Variants in EIF2D observed in about 807,000 individuals in gnomAD.
EIF2D encodes hepatocellular carcinoma-associated antigen 56.
A neutral mutation model predicts 77.4 loss-of-function variants in EIF2D; 56 were observed. The observed-to-expected ratio is 0.72, with a 90% CI of 0.58 to 0.90. The LOEUF is 0.90. Ranked by LOEUF, EIF2D falls within the 40% of genes least tolerant of loss-of-function variation. EIF2D has a pLI of 0.00. For synonymous variants in EIF2D, 230 were observed against 271.0 expected, an observed-to-expected ratio of 0.85 and a Z score of 1.49; for missense variants, 574 against 706.5, an observed-to-expected ratio of 0.81 and a Z score of 2.13.
At chr1:206,603,341 G>C in intron 5 of EIF2D, 137 bp from the exon 6 acceptor site, 4 of 1,185,270 alleles carry the variant, frequency 3.4e-6, no homozygotes, top group African/African-American at 3.1e-5. Flanking sequence ...CAGAGAGCCT[G>C]TGCCCTCATC....
chr1:206,572,911 G>A (rs892095351), intron 4 of EIF2D, among the ~76,000 whole-genome samples: 11 of 152,162 alleles, frequency 7.2e-5, no homozygotes, highest in South Asian at 2.1e-4. Context: ...GGCCTATCGG[G>A]AATCAAGGTC....
At chr1:206,580,908 G>A (rs1331660945) in intron 3 of EIF2D, 3 of 152,252 alleles carry the variant, frequency 2.0e-5, no homozygotes, top group Non-Finnish European at 4.4e-5. Flanking sequence ...CATCTTAGAT[G>A]AACATTTCAC....
At chr1:206,612,250 T>C (rs1553414207) in intron 1 of EIF2D, 37 bp downstream of exon 1, 2 of 1,613,926 alleles carry the variant, frequency 1.2e-6, no homozygotes, top group South Asian at 1.1e-5. Context: ...AGGTGTCTGG[T>C]TGTTCCGTGG....
In EIF2D at chr1:206,595,730, C is replaced by T. The variant is rs202132052; in HGVS notation, c.1497G>A (p.Ala499=). The change falls in exon 13 of 15, where the codon GCG becomes GCA. Residue 499 remains alanine (A), a synonymous_variant. Coordinates refer to ENST00000271764, the MANE Select transcript of EIF2D (RefSeq NM_006893.3). ...CPIDITLAQR[A]SNKKVTVVRN... ...TTTCTAAAATTACCTTTTTATTAGACGCTCTTTGTGCTAGGGTGATGTCAA... is the reference window on the plus strand; with the variant it reads ...TTTCTAAAATTACCTTTTTATTAGATGCTCTTTGTGCTAGGGTGATGTCAA... 11 of 1,613,346 alleles carry T rather than the reference C, an allele frequency of 6.8e-6. No homozygotes were observed. Among genetic ancestry groups the T allele is most frequent in the East Asian group, 2.2e-5 (1 of 44,870 alleles).
rs1553407239 is a variant in EIF2D, at chr1:206,584,761, G to C, written c.139-3599C>G. The C allele has an allele frequency of 5.3e-6, 8 of 1,505,080 alleles. No individual in the cohort carries two copies. In the South Asian group the frequency reaches 9.6e-5, roughly 18 times the overall value. The allele number at this position is 1,505,080 out of a possible 1,614,324, so 93.2% of individuals were successfully genotyped here. ...AGCCCACCCACTAAAACTCCTGCCG[G>C]CCTTGGGTGGGAGCTGTGGGCTTCT... On this transcript the variant is annotated intron_variant and NMD_transcript_variant, in intron 2 of 5. Transcript: ENST00000472709. The surrounding 1 kb of genome is among the most constrained non-coding windows in gnomAD (Gnocchi z 4.9).
chr1:206,603,045 G>A lies in EIF2D; in HGVS notation c.690C>T (p.His230=), dbSNP rs921533279. The A allele has an allele frequency of 5.6e-6, 9 of 1,614,180 alleles. No individual in the cohort carries two copies. In the East Asian group the frequency reaches 2.0e-4, roughly 36 times the overall value. The change falls in exon 6 of 15, where the codon CAC becomes CAT. Residue 230 remains histidine, a synonymous_variant. Coordinates refer to ENST00000271764, the MANE Select transcript of EIF2D (RefSeq NM_006893.3). ...LEGEEENGEV[H]QAREDKSLSE... ...AGAGAGACTTGTCTTCACGTGCCTGGTGAACCTCCCCATTCTCCTCTTCCC... is the reference window on the plus strand; with the variant it reads ...AGAGAGACTTGTCTTCACGTGCCTGATGAACCTCCCCATTCTCCTCTTCCC...
intron 13 of EIF2D, chr1:206,595,338 A>C (rs2102278492): frequency 6.4e-6 from 1 of 155,580 alleles, no homozygotes; most frequent in South Asian, 2.0e-4. Flanking sequence ...TGTGTTGCCA[A>C]GCTAAACACA....
chr1:206,600,507 G>C, intron 7 of EIF2D, 199 bp from the exon 8 acceptor site: 2 of 532,664 alleles, frequency 3.8e-6, no homozygotes, highest in Non-Finnish European at 6.7e-6. Context: ...CTGTTCAAGA[G>C]AACTTTCCAT....
rs905583147 is a variant in EIF2D, at chr1:206,584,090, G to C, written c.139-2928C>G. 3.9e-5 allele frequency among the ~76,000 whole-genome samples: 6 copies of C among 152,108 alleles called. No individual in the cohort carries two copies. The highest frequency in any genetic ancestry group is 8.8e-5 in the Non-Finnish European group (6 of 68,008). On this transcript the variant is annotated intron_variant and NMD_transcript_variant, in intron 2 of 5. Coordinates refer to the EIF2D transcript ENST00000472709. This position sits in a 1 kb window ranked among gnomAD's most constrained non-coding sequence, Gnocchi z 4.9. Reference sequence around the variant, plus strand: ...TACCCCACACCCTGCCTCTTACAATGGGCACTCACCAAAGGCAACTGGTTA... The same window carrying C: ...TACCCCACACCCTGCCTCTTACAATCGGCACTCACCAAAGGCAACTGGTTA...
chr1:206,612,465 G>A lies in EIF2D; in HGVS notation c.-123C>T, dbSNP rs3813971. On this transcript the variant is annotated 5_prime_UTR_variant, in exon 1 of 15. Transcript: ENST00000271764. ...CATGCTGGGGCCCGGCCGCGAAAAGGGCCCGGCTGGAAACCAGGGCCGCGC... is the reference window on the plus strand; with the variant it reads ...CATGCTGGGGCCCGGCCGCGAAAAGAGCCCGGCTGGAAACCAGGGCCGCGC... 31 of 1,304,070 alleles carry A rather than the reference G, an allele frequency of 2.4e-5. No individual in the cohort carries two copies. The East Asian group carries it at 6.7e-4, about 28-fold the overall frequency. The allele number at this position is 1,304,070 out of a possible 1,614,324, so 80.8% of individuals were successfully genotyped here. A position where few individuals can be genotyped will look rare whatever the true frequency, so the allele number is the denominator to read the frequency against.
chr1:206,595,664 C>A, intron 13 of EIF2D, 54 bp downstream of exon 13: 2 of 1,587,824 alleles, frequency 1.3e-6, no homozygotes, highest in Non-Finnish European at 1.7e-6. Context: ...GAGACCAGAA[C>A]TTGGCAAGAA....
chr1:206,608,206 C>T (rs1670292765), intron 4 of EIF2D, 30 bp downstream of exon 4: 2 of 1,594,252 alleles, frequency 1.3e-6, no homozygotes. Flanking sequence ...CAAGTTTTTC[C>T]CCCAAAGGCA....
chr1:206,583,658 C>T (rs184006153), intron 2 of EIF2D: 11 of 407,690 alleles, frequency 2.7e-5, no homozygotes, highest in South Asian at 4.4e-5. Flanking sequence ...AGTGATTAAA[C>T]GGTACGTAAT....
chr1:206,593,506 A>AGTGTGTGTGCGTGTGTGTGT lies in EIF2D; in HGVS notation c.1684+112_1684+113insACACACACACGCACACACAC, dbSNP rs1286437460. On this transcript the variant is annotated intron_variant, in intron 14 of 14. Transcript: ENST00000271764. ...GAGAGAGCGAGAGAGAGAGAGAGAG[A>AGTGTGTGTGCGTGTGTGTGT]GAGTGTGTGTGTGTGTGTGTGTGTG... 27 of 442,730 alleles carry AGTGTGTGTGCGTGTGTGTGT rather than the reference A, an allele frequency of 6.1e-5. 1 individual carries two copies. The highest frequency in any genetic ancestry group is 1.2e-4 in the African/African-American group (5 of 41,092). The allele number at this position is 442,730 out of a possible 1,614,324, so 27.4% of individuals were successfully genotyped here. A position where few individuals can be genotyped will look rare whatever the true frequency, so the allele number is the denominator to read the frequency against.
At position 206,607,513 on chromosome 1, in the gene EIF2D, CTT is replaced by C. The variant is rs1453459690; in HGVS notation, c.422+721_422+722del. Among the ~76,000 whole-genome samples, 162 of 152,326 alleles carry C rather than the reference CTT, an allele frequency of 1.1e-3. 2 individuals carry two copies. Among genetic ancestry groups the C allele is most frequent in the Non-Finnish European group, 1.3e-4 (9 of 68,026 alleles). ...GTGGCTCATGCCTGTGATCCCAACT[CTT>C]TGCGAGGCCAAGGCAGGAGTATCGC... On this transcript the variant is annotated intron_variant, in intron 4 of 14. Coordinates refer to ENST00000271764, the MANE Select transcript of EIF2D (RefSeq NM_006893.3).
chr1:206,602,205 A>C, intron 7 of EIF2D, 131 bp downstream of exon 7: 1 of 652,222 alleles, frequency 1.5e-6, no homozygotes, highest in East Asian at 2.7e-5. Flanking sequence ...TTGTCAGATA[A>C]GCCTTCCCTC....
At chr1:206,586,803 CA>C, downstream of EIF2D, 1 of 1,597,628 alleles carries the variant, frequency 6.3e-7, no homozygotes, top group South Asian at 1.1e-5. Flanking sequence ...TTTCTTCCCA[CA>C]AATCTCCCTC....
At chr1:206,583,505 A>G (rs1572370764) in intron 2 of EIF2D, 1 of 694,216 alleles carries the variant, frequency 1.4e-6, no homozygotes, top group East Asian at 2.7e-5. Flanking sequence ...TCCGGCCTCC[A>G]GAGGCCTCCG....
At position 206,599,515 on chromosome 1, in the gene EIF2D, G is replaced by A. The variant is rs1669814489; in HGVS notation, c.1150C>T (p.Leu384Phe). The change falls in exon 10 of 15, where the codon CTC (leucine) becomes TTC (phenylalanine). Residue 384 changes from leucine (L) to phenylalanine (F), a missense_variant. By Grantham distance (22) the Leu-to-Phe change is conservative. Coordinates refer to ENST00000271764, the MANE Select transcript of EIF2D (RefSeq NM_006893.3). This position sits in a 1 kb window ranked among gnomAD's most constrained non-coding sequence, Gnocchi z 4.1. ...GTCATGCTGGCTGGGACACAGTAGA[G>A]GGGTTTTATATCTGGAGGGTGATAG... is the stretch of plus-strand genomic sequence containing the variant. ...QPYHPPDIKP[L>F]YCVPASMTLL... 6 of 1,613,644 alleles carry A rather than the reference G, an allele frequency of 3.7e-6. No individual in the cohort carries two copies. The highest frequency in any genetic ancestry group is 1.3e-5 in the African/African-American group (1 of 75,004).
Sources: gnomAD v4.1 joint callset for allele counts (sites outside exome capture counted in the v4.1 genomes callset) on GRCh38, gnomAD v4.1.1 for gene constraint, Gnocchi (gnomAD v3.1) non-coding constraint, MANE v1.5 for transcripts, NCBI Gene and HGNC (gene_info 2026-07-23, HGNC 2026-07-21) for gene names.